EYS: variants seen among roughly 807,000 people sequenced by gnomAD.
EYS encodes EGF-like photoreceptor maintenance factor.
In EYS, 250 loss-of-function variants were observed where a neutral mutation model predicts 282.1. The observed-to-expected ratio is 0.89, with a 90% CI of 0.80 to 0.98. The LOEUF (loss-of-function observed/expected upper bound fraction) is 0.98. EYS is among the 50% of genes least tolerant of loss of function. The probability of loss-of-function intolerance (pLI) is 0.00; values close to 1 mark genes in which losing one functional copy is unlikely to be tolerated. For synonymous variants in EYS, 1,355 were observed against 1,282.9 expected (o/e 1.06, Z -1.20); for missense variants, 4,016 against 3,709.0 (o/e 1.08, Z -2.15).
intron 26 of EYS, among the ~76,000 whole-genome samples, chr6:64,472,920 T>A (rs1776160494): frequency 6.6e-6 from 1 of 152,152 alleles, no homozygotes; most frequent in Non-Finnish European, 1.5e-5. Flanking sequence ...CCATGAAAGA[T>A]GAAAGACTGT....
intron 1 of EYS, among the ~76,000 whole-genome samples, chr6:65,700,487 A>G (rs551845862): frequency 2.0e-5 from 3 of 152,308 alleles, no homozygotes; most frequent in Non-Finnish European, 4.4e-5. Context: ...GTTACACTTT[A>G]ATTATTTTAA....
At chr6:64,712,728 T>C (rs1029796185) in intron 22 of EYS, among the ~76,000 whole-genome samples, 1 of 152,210 alleles carries the variant, frequency 6.6e-6, no homozygotes, top group African/African-American at 2.4e-5. Context: ...ACTGCAGTAA[T>C]TTCCTGAGTA....
intron 2 of EYS, among the ~76,000 whole-genome samples, chr6:65,548,243 G>A (rs1043419108): frequency 1.3e-5 from 2 of 152,096 alleles, no homozygotes; most frequent in Non-Finnish European, 2.9e-5. Context: ...ACTTATGTAA[G>A]GAAATGAAAT....
At chr6:63,731,968 AG>A (rs370714165) in intron 41 of EYS, among the ~76,000 whole-genome samples, 1,703 of 151,958 alleles carry the variant, frequency 0.011, 26 homozygotes, top group African/African-American at 0.039. Context: ...AACATCTGGG[AG>A]GGGGGGTCTC....
chr6:65,515,525 A>C (rs1767091683), intron 2 of EYS, among the ~76,000 whole-genome samples: 1 of 151,856 alleles, frequency 6.6e-6, no homozygotes, highest in African/African-American at 2.4e-5. Flanking sequence ...ACAATAGCAA[A>C]GACTTGGAAC....
intron 12 of EYS, among the ~76,000 whole-genome samples, chr6:65,184,405 A>G (rs1180542458): frequency 6.6e-6 from 1 of 151,928 alleles, no homozygotes; most frequent in Non-Finnish European, 1.5e-5. Context: ...CATGAGAGCC[A>G]GGACCTCATG....
chr6:64,216,785 G>A (rs1765942111), intron 31 of EYS, among the ~76,000 whole-genome samples: 1 of 152,108 alleles, frequency 6.6e-6, no homozygotes, highest in African/African-American at 2.4e-5. Flanking sequence ...CCAGAGCAAT[G>A]GCTGAACAGA....
intron 12 of EYS, among the ~76,000 whole-genome samples, chr6:65,125,557 A>G (rs1427798403): frequency 6.6e-6 from 1 of 152,194 alleles, no homozygotes; most frequent in African/African-American, 2.4e-5. Flanking sequence ...TATTATTTCT[A>G]TTTTGAATTG....
chr6:64,727,285 C>T (rs1027635354), intron 22 of EYS, among the ~76,000 whole-genome samples: 57 of 152,130 alleles, frequency 3.7e-4, no homozygotes, highest in Middle Eastern at 3.4e-3. Flanking sequence ...CGTAATTATG[C>T]TTTTTTTCAG....
intron 34 of EYS, among the ~76,000 whole-genome samples, chr6:63,986,397 T>C (rs1046714426): frequency 1.3e-5 from 2 of 151,820 alleles, no homozygotes; most frequent in Non-Finnish European, 2.9e-5. Context: ...AAAACTACCA[T>C]TTGGCCCAGC....
chr6:64,781,474 G>A (rs1773858160), intron 22 of EYS, among the ~76,000 whole-genome samples: 1 of 151,780 alleles, frequency 6.6e-6, no homozygotes, highest in African/African-American at 2.4e-5. Context: ...CACTTTGGGA[G>A]GCTGAGGCAG....
intron 19 of EYS, among the ~76,000 whole-genome samples, chr6:64,857,642 C>G (rs986175122): frequency 4.7e-4 from 71 of 152,128 alleles, no homozygotes; most frequent in African/African-American, 1.6e-3. Flanking sequence ...TATGCTGGAT[C>G]ATATGGCATT....
Position 65,055,355 on chromosome 6 carries a change from G to C in EYS, c.2137+2259C>G, listed in dbSNP as rs1276773687. Among the ~76,000 whole-genome samples, 3 of 151,932 alleles carry C rather than the reference G, an allele frequency of 2.0e-5. No individual in the cohort carries two copies. In the East Asian group the frequency reaches 5.8e-4, roughly 29 times the overall value. On this transcript the variant is annotated intron_variant, in intron 13 of 42. Transcript: ENST00000503581. ...TAAATTAAACTTTTATTTTAGAGTA[G>C]TTTTAGATTTACAGAACAGTTGCAA...
chr6:64,780,926 C>G (rs1347398878), intron 22 of EYS, among the ~76,000 whole-genome samples: 1 of 152,086 alleles, frequency 6.6e-6, no homozygotes, highest in Non-Finnish European at 1.5e-5. Flanking sequence ...AAATAACAGT[C>G]TAATGTGGGA....
intron 26 of EYS, among the ~76,000 whole-genome samples, chr6:64,588,066 G>T (rs1305970807): frequency 2.0e-5 from 3 of 152,024 alleles, no homozygotes; most frequent in Non-Finnish European, 4.4e-5. Flanking sequence ...TTTGTCAGTT[G>T]AGAAGTTAGA....
At chr6:63,987,725 C>T (rs914783452) in intron 34 of EYS, among the ~76,000 whole-genome samples, 1 of 151,392 alleles carries the variant, frequency 6.6e-6, no homozygotes, top group Non-Finnish European at 1.5e-5. Flanking sequence ...ATTACAGATA[C>T]AATAAAATGG....
chr6:64,933,146 C>A (rs1411584064), intron 15 of EYS, among the ~76,000 whole-genome samples: 1 of 151,730 alleles, frequency 6.6e-6, no homozygotes, highest in African/African-American at 2.4e-5. Context: ...GAAATATAAA[C>A]TATTATATAA....
intron 2 of EYS, among the ~76,000 whole-genome samples, chr6:65,522,482 T>C (rs1282997523): frequency 5.3e-5 from 8 of 152,122 alleles, no homozygotes; most frequent in Non-Finnish European, 1.2e-4. Flanking sequence ...TGTCTTTAAG[T>C]CTGTGTGTGG....
chr6:64,814,089 T>C (rs1321128573), intron 21 of EYS, among the ~76,000 whole-genome samples: 2 of 152,068 alleles, frequency 1.3e-5, no homozygotes, highest in African/African-American at 4.8e-5. Context: ...AAAACATCTG[T>C]AATAGCTGAA....
Sources: allele counts gnomAD v4.1 joint callset (sites outside exome capture counted in the v4.1 genomes callset), GRCh38; gene constraint gnomAD v4.1.1; transcripts MANE v1.5; gene names NCBI Gene and HGNC (gene_info 2026-07-23, HGNC 2026-07-21).